The following MYT1L variants were observed in gnomAD, a reference collection of about 807,000 sequenced individuals.
The protein encoded by MYT1L is myelin transcription factor 1-like protein.
Under a neutral mutation model 126.7 loss-of-function variants are expected in MYT1L, and 12 were observed. That is an observed-to-expected ratio of 0.09 (90% CI 0.06 to 0.15). The LOEUF (loss-of-function observed/expected upper bound fraction) is 0.15. Among genes scored for constraint, MYT1L ranks in the 10% least tolerant of loss-of-function variants. The pLI is 1.00. For missense variants in MYT1L, 979 were observed against 1,585.2 expected (o/e 0.62, Z 6.49); for synonymous variants, 541 against 604.2 (o/e 0.90, Z 1.53).
At chr2:2,023,089 G>T (rs2065193474) in intron 4 of MYT1L, among the ~76,000 whole-genome samples, 2 of 152,218 alleles carry the variant, frequency 1.3e-5, no homozygotes, top group Admixed American at 1.3e-4. Flanking sequence ...CAATGAAACA[G>T]AGTAGATGTG....
intron 1 of MYT1L, among the ~76,000 whole-genome samples, chr2:2,311,566 G>A (rs1034506547): frequency 2.6e-5 from 4 of 152,192 alleles, no homozygotes; most frequent in African/African-American, 9.7e-5. Flanking sequence ...TCTGTCACAC[G>A]ACTTTGGGGG....
In MYT1L at chr2:2,308,234, C is replaced by A. The variant is rs146401014; in HGVS notation, c.-521+22733G>T. On this transcript the variant is annotated intron_variant, in intron 1 of 24. Coordinates refer to ENST00000647738, the MANE Select transcript of MYT1L (RefSeq NM_001303052.2). ...ACACTCTACCTATACTCCACCTACG[C>A]TTCGGTATACTCTATCTACACTCCA... Among the ~76,000 whole-genome samples the A allele has an allele frequency of 2.8e-4, 43 of 152,008 alleles. 1 individual carries two copies. Among genetic ancestry groups the A allele is most frequent in the African/African-American group, 9.4e-4 (39 of 41,436 alleles).
At chr2:2,232,006 G>A (rs2094173655) in intron 2 of MYT1L, among the ~76,000 whole-genome samples, 1 of 152,148 alleles carries the variant, frequency 6.6e-6, no homozygotes, top group Admixed American at 6.5e-5. Flanking sequence ...AATTGATACT[G>A]CAAAACCACT....
chr2:1,981,425 G>A (rs981216238), intron 5 of MYT1L, among the ~76,000 whole-genome samples: 2 of 152,166 alleles, frequency 1.3e-5, no homozygotes, highest in African/African-American at 2.4e-5. Context: ...GTTTGTGTAG[G>A]TGTGAAAGGA....
intron 21 of MYT1L, among the ~76,000 whole-genome samples, chr2:1,823,511 T>A (rs28496806): frequency 0.078 from 11,839 of 151,956 alleles, 601 homozygotes; most frequent in African/African-American, 0.14. Flanking sequence ...TCTGAGCAGC[T>A]CCCCCAGGAC....
chr2:2,052,071 T>G (rs1474084482), intron 4 of MYT1L, among the ~76,000 whole-genome samples: 1 of 152,150 alleles, frequency 6.6e-6, no homozygotes, highest in Non-Finnish European at 1.5e-5. Flanking sequence ...GTAATCAAAA[T>G]AGTGTGGTAC....
intron 5 of MYT1L, among the ~76,000 whole-genome samples, chr2:1,989,744 C>T (rs1250813872): frequency 1.3e-5 from 2 of 152,140 alleles, no homozygotes; most frequent in African/African-American, 4.8e-5. Context: ...CACCTGTAAT[C>T]CCAGCACTTT....
At chr2:2,053,173 C>T (rs984480400) in intron 4 of MYT1L, among the ~76,000 whole-genome samples, 11 of 152,116 alleles carry the variant, frequency 7.2e-5, no homozygotes, top group African/African-American at 2.2e-4. Flanking sequence ...GAACAGATAC[C>T]GTACAATGCC....
intron 2 of MYT1L, among the ~76,000 whole-genome samples, chr2:2,222,725 T>A (rs1206879658): frequency 6.6e-6 from 1 of 152,120 alleles, no homozygotes; most frequent in Non-Finnish European, 1.5e-5. Context: ...TCTCTTGCCT[T>A]CTTGAGGAGA....
intron 14 of MYT1L, among the ~76,000 whole-genome samples, chr2:1,902,103 C>T (rs532439301): frequency 2.6e-5 from 4 of 152,158 alleles, no homozygotes; most frequent in East Asian, 1.9e-4. Context: ...TTGGCAATTA[C>T]GTCTATACAG....
chr2:2,121,606 C>T (rs1211134683), intron 3 of MYT1L, among the ~76,000 whole-genome samples: 3 of 152,180 alleles, frequency 2.0e-5, no homozygotes, highest in Non-Finnish European at 4.4e-5. Context: ...CCCGCCTCAG[C>T]CTCCTGAGTA....
intron 4 of MYT1L, among the ~76,000 whole-genome samples, chr2:2,019,632 C>T (rs186403671): frequency 3.8e-3 from 573 of 152,330 alleles, no homozygotes; most frequent in Middle Eastern, 0.014. Flanking sequence ...CTCTGCCATG[C>T]AGGCAAACAC....
Position 2,097,845 on chromosome 2 carries a change from A to G in MYT1L, c.-303-43722T>C, listed in dbSNP as rs141351387. ...TAAATATGATTCCCAGGTGGAGGTGATGCCTGGTGGGAGGTGATTGTATCA... is the reference window on the plus strand; with the variant it reads ...TAAATATGATTCCCAGGTGGAGGTGGTGCCTGGTGGGAGGTGATTGTATCA... On this transcript the variant is annotated intron_variant, in intron 3 of 24. Coordinates refer to ENST00000647738, the MANE Select transcript of MYT1L (RefSeq NM_001303052.2). Among the ~76,000 whole-genome samples, 602 of 152,246 alleles carry G rather than the reference A, an allele frequency of 4.0e-3. 4 individuals are homozygous for G. Among genetic ancestry groups the G allele is most frequent in the African/African-American group, 0.014 (574 of 41,540 alleles).
Position 1,793,170 on chromosome 2 carries a change from C to A in MYT1L, c.3277-706G>T, listed in dbSNP as rs145633757. Among the ~76,000 whole-genome samples, 1 of 152,210 alleles carries A rather than the reference C, an allele frequency of 6.6e-6. No individual in the cohort carries two copies. The highest frequency in any genetic ancestry group is 1.5e-5 in the Non-Finnish European group (1 of 68,042). On this transcript the variant is annotated intron_variant, in intron 23 of 24. Coordinates refer to ENST00000647738, the MANE Select transcript of MYT1L (RefSeq NM_001303052.2). This position sits in a 1 kb window ranked among gnomAD's most constrained non-coding sequence, Gnocchi z 4.6. Reference sequence around the variant, plus strand: ...TGGCACCAGGCTGGCACTGTGCCCACAGGGTGGTCTTCCTGCATTTCTCTA... The same window carrying A: ...TGGCACCAGGCTGGCACTGTGCCCAAAGGGTGGTCTTCCTGCATTTCTCTA...
At chr2:1,972,644 G>A (rs1303887300) in intron 8 of MYT1L, among the ~76,000 whole-genome samples, 2 of 152,184 alleles carry the variant, frequency 1.3e-5, no homozygotes, top group Non-Finnish European at 2.9e-5. Context: ...TCCAAATGAG[G>A]CGTGCATACA....
intron 1 of MYT1L, among the ~76,000 whole-genome samples, chr2:2,299,081 T>C (rs1362174375): frequency 6.6e-6 from 1 of 152,194 alleles, no homozygotes; most frequent in South Asian, 2.1e-4. Flanking sequence ...CTCGATCTCC[T>C]GACCTGGTGA....
chr2:1,917,423 GC>G lies in MYT1L; in HGVS notation c.1484-85del. The stretch of plus-strand genomic sequence containing the variant: ...TTATTTCACAATCTGAAGAAACCTT[GC>G]TAAAGAAAGAAATAAAGCAGGTGTC... On this transcript the variant is annotated intron_variant, in intron 10 of 24. Coordinates refer to ENST00000647738, the MANE Select transcript of MYT1L (RefSeq NM_001303052.2). This position sits in a 1 kb window ranked among gnomAD's most constrained non-coding sequence, Gnocchi z 5.9. 6.8e-7 allele frequency: 1 copy of G among 1,475,534 alleles called. No individual in the cohort carries two copies. Among genetic ancestry groups the G allele is most frequent in the Non-Finnish European group, 9.2e-7 (1 of 1,090,090 alleles). 91.4% of individuals were successfully genotyped at this position (1,475,534 alleles called of 1,614,324 possible).
At chr2:2,137,178 T>G (rs993525003) in intron 3 of MYT1L, among the ~76,000 whole-genome samples, 9 of 152,178 alleles carry the variant, frequency 5.9e-5, no homozygotes, top group Middle Eastern at 3.4e-3. Flanking sequence ...CACTGCTCAA[T>G]GAAATAGAAG....
chr2:2,069,546 C>G (rs1273518621), intron 3 of MYT1L, among the ~76,000 whole-genome samples: 9 of 151,990 alleles, frequency 5.9e-5, no homozygotes, highest in Admixed American at 5.2e-4. Context: ...GTGCATGTGT[C>G]TTTATAGTAG....
Sources: allele counts gnomAD v4.1 joint callset (sites outside exome capture counted in the v4.1 genomes callset), GRCh38; gene constraint gnomAD v4.1.1; non-coding constraint Gnocchi (gnomAD v3.1); transcripts MANE v1.5; gene names NCBI Gene and HGNC (gene_info 2026-07-23, HGNC 2026-07-21).